HEATR9: variants seen among roughly 807,000 people sequenced by gnomAD.
HEATR9 encodes the protein HEAT repeat containing 9.
A neutral mutation model predicts 68.2 loss-of-function variants in HEATR9; 54 were observed. The ratio of observed to expected loss-of-function variants is 0.79; its 90% CI spans 0.64 to 0.99. The LOEUF (loss-of-function observed/expected upper bound fraction) is 0.99, where lower values mean the gene tolerates loss of function less well. Ranked by LOEUF, HEATR9 falls within the 50% of genes least tolerant of loss-of-function variation. The probability of loss-of-function intolerance (pLI) is 0.00; values close to 1 mark genes in which losing one functional copy is unlikely to be tolerated. For missense variants in HEATR9, 662 were observed against 679.7 expected (o/e 0.97, Z 0.29); for synonymous variants, 241 against 253.5 (o/e 0.95, Z 0.47).
intron 12 of HEATR9, 113 bp downstream of exon 12, chr17:35,856,619 T>C (rs2087780242): frequency 6.4e-6 from 6 of 937,286 alleles, no homozygotes; most frequent in Non-Finnish European, 3.3e-6. Context: ...TGCTGCACTG[T>C]AGGTTCTCAG....
chr17:35,863,666 G>C (rs1175290811), intron 6 of HEATR9, 107 bp from the exon 7 acceptor site: 1 of 1,229,968 alleles, frequency 8.1e-7, no homozygotes, highest in East Asian at 2.4e-5. Flanking sequence ...GGAAACTGAA[G>C]CCTAGAAAGT....
Position 35,855,225 on chromosome 17 carries a change from G to A in HEATR9, c.1551C>T (p.Asn517=). The stretch of plus-strand genomic sequence containing the variant: ...TGATGGACTTTGCAATAAACAAGGG[G>A]TTCAGCTTTGCAAGTCGAAAGTCTT... ...TIQDFRLAKL[N]PLFIAKSITK... is the part of the protein sequence containing the mutation. The change falls in exon 15 of 15, where the codon AAC becomes AAT. Residue 517 remains asparagine, a synonymous_variant. Coordinates refer to ENST00000604834, the MANE Select transcript of HEATR9 (RefSeq NM_152781.4). 1.2e-6 allele frequency: 2 copies of A among 1,614,180 alleles called. No individual in the cohort carries two copies. Among genetic ancestry groups the A allele is most frequent in the East Asian group, 2.2e-5 (1 of 44,880 alleles).
chr17:35,857,495 C>CA (rs1204654301), intron 11 of HEATR9, among the ~76,000 whole-genome samples: 7 of 152,168 alleles, frequency 4.6e-5, no homozygotes, highest in Non-Finnish European at 4.4e-5. Context: ...CGCAGTGGCT[C>CA]ACGCCTGTAA....
At chr17:35,864,476 T>A (rs756810744) in intron 5 of HEATR9, 21 bp downstream of exon 5, 1 of 1,612,300 alleles carries the variant, frequency 6.2e-7, no homozygotes, top group Non-Finnish European at 8.5e-7. Context: ...ACCACCCTCC[T>A]CTATCCTTGC....
chr17:35,855,445 T>G (rs1430693208), intron 14 of HEATR9, 35 bp from the exon 15 acceptor site: 2 of 1,585,844 alleles, frequency 1.3e-6, no homozygotes, highest in Admixed American at 3.4e-5. Flanking sequence ...GCTGGCTCAC[T>G]TTGGGTTCAG....
intron 9 of HEATR9, 38 bp from the exon 10 acceptor site, chr17:35,858,563 T>C (rs1568309177): frequency 6.4e-7 from 1 of 1,563,658 alleles, no homozygotes; most frequent in Non-Finnish European, 8.8e-7. Context: ...GTACAGGGCC[T>C]AGAGGCATCT....
At position 35,864,975 on chromosome 17, in the gene HEATR9, A is replaced by T. The variant is rs2088141402; in HGVS notation, c.321-85T>A. The T allele has an allele frequency of 1.1e-5, 17 of 1,543,530 alleles. No individual in the cohort carries two copies. In the East Asian group the frequency reaches 3.8e-4, roughly 35 times the overall value. ...AACCTCACTTCTGCCACAGGGCTAC[A>T]GCCCAGCTCAGATATGGGACCAGAG... On this transcript the variant is annotated intron_variant, in intron 3 of 14. Transcript: ENST00000604834.
chr17:35,856,285 G>C (rs940351558), intron 12 of HEATR9, 61 bp from the exon 13 acceptor site: 7 of 1,613,900 alleles, frequency 4.3e-6, no homozygotes, highest in Non-Finnish European at 5.9e-6. Flanking sequence ...GTGGAAGGGA[G>C]GCTGGTTGCT....
chr17:35,866,962 C>T (rs761708510), intron 1 of HEATR9, among the ~76,000 whole-genome samples, 189 bp from the exon 2 acceptor site: 1 of 151,668 alleles, frequency 6.6e-6, no homozygotes, highest in Non-Finnish European at 1.5e-5. Flanking sequence ...ACAAAAAAAA[C>T]ATTAGCCAGC....
intron 8 of HEATR9, chr17:35,861,017 G>A: frequency 1.5e-6 from 1 of 658,484 alleles, no homozygotes; most frequent in Admixed American, 2.1e-5. Context: ...CTGCACTCCA[G>A]CTTGGGTGAC....
rs535561369 is a variant in HEATR9 at position 35,858,648 on chromosome 17, G to A, written c.940-123C>T. On this transcript the variant is annotated intron_variant, in intron 9 of 14. Transcript: ENST00000604834. ...CTAAGGTCCTTTTTTCTGCCTCTTCGCCTCTTGACCACAGAAGTTCATGTG... is the reference window on the plus strand; with the variant it reads ...CTAAGGTCCTTTTTTCTGCCTCTTCACCTCTTGACCACAGAAGTTCATGTG... The A allele has an allele frequency of 3.4e-4, 317 of 919,568 alleles. 3 individuals carry two copies. In the South Asian group the frequency reaches 5.1e-3, roughly 15 times the overall value. The allele number at this position is 919,568 out of a possible 1,614,324, so 57.0% of individuals were successfully genotyped here. A position where few individuals can be genotyped will look rare whatever the true frequency, so the allele number is the denominator to read the frequency against.
rs1212026467 is a variant in HEATR9 at position 35,863,542 on chromosome 17, C to T, written c.585G>A (p.Glu195=). Residue 195 remains glutamate, a synonymous_variant, in exon 7 of 15, where the codon GAG becomes GAA. Coordinates refer to ENST00000604834, the MANE Select transcript of HEATR9 (RefSeq NM_152781.4). ...ALQQVAQTGP[E]KVKYEAYRTL... is the part of the protein sequence containing the mutation. ...TTCGGTAGGCCTCGTACTTCACTTTCTCTGGACCAGTTTGGGCCTAATTTA... is the reference window on the plus strand; with the variant it reads ...TTCGGTAGGCCTCGTACTTCACTTTTTCTGGACCAGTTTGGGCCTAATTTA... The T allele has an allele frequency of 6.2e-7, 1 of 1,614,212 alleles. No homozygotes were observed. The highest frequency in any genetic ancestry group is 1.7e-5 in the Admixed American group (1 of 60,018).
chr17:35,864,905 G>A lies in HEATR9; in HGVS notation c.321-15C>T. The A allele has an allele frequency of 1.2e-6, 2 of 1,614,206 alleles. No individual in the cohort carries two copies. Among genetic ancestry groups the A allele is most frequent in the Non-Finnish European group, 8.5e-7 (1 of 1,180,038 alleles). ...CTTTGATGTACCTGTGTGAGAAATT[G>A]CATAGGCAGCTTTGGTCCCTTTGTA... On this transcript the variant is annotated splice_polypyrimidine_tract_variant and intron_variant, in intron 3 of 14. Coordinates refer to ENST00000604834, the MANE Select transcript of HEATR9 (RefSeq NM_152781.4).
intron 1 of HEATR9, 64 bp downstream of exon 1, chr17:35,868,591 G>A: frequency 6.2e-7 from 1 of 1,609,168 alleles, no homozygotes; most frequent in South Asian, 1.1e-5. Context: ...GGGAGTGAGA[G>A]CCAGGTAGCA....
rs1298807887 is a variant in HEATR9, at chr17:35,863,009, C to G, written c.742G>C (p.Val248Leu). 21 of 1,614,114 alleles carry G rather than the reference C, an allele frequency of 1.3e-5. No homozygotes were observed. Among genetic ancestry groups the G allele is most frequent in the Non-Finnish European group, 1.8e-5 (21 of 1,180,064 alleles). Reference sequence around the variant, plus strand: ...CTCCCAATCACCTTGTCTTTAGAGACAGCAGCCCAGGAGTTAAGAGCCATT... The same window carrying G: ...CTCCCAATCACCTTGTCTTTAGAGAGAGCAGCCCAGGAGTTAAGAGCCATT... ...LRMALNSWAA[V>L]SKDKRTQVGD... The change falls in exon 8 of 15, where the codon GTC becomes CTC. Residue 248 changes from valine (V) to leucine (L), a missense_variant. Val to Leu is a conservative substitution (Grantham distance 32). Coordinates refer to ENST00000604834, the MANE Select transcript of HEATR9 (RefSeq NM_152781.4).
Position 35,855,205 on chromosome 17 carries a change from G to A in HEATR9, c.1571C>T (p.Ser524Phe). 1.9e-6 allele frequency: 3 copies of A among 1,614,142 alleles called. No individual in the cohort carries two copies. Among genetic ancestry groups the A allele is most frequent in the Non-Finnish European group, 2.5e-6 (3 of 1,180,028 alleles). ...TTTCTTTTGGCCTACTTTGGTGATGGACTTTGCAATAAACAAGGGGTTCAG... is the reference window on the plus strand; with the variant it reads ...TTTCTTTTGGCCTACTTTGGTGATGAACTTTGCAATAAACAAGGGGTTCAG... ...AKLNPLFIAK[S>F]ITKVGQKKTP... Residue 524 changes from serine to phenylalanine, a missense_variant, in exon 15 of 15, where the codon TCC (serine) becomes TTC (phenylalanine). Coordinates refer to ENST00000604834, the MANE Select transcript of HEATR9 (RefSeq NM_152781.4).
At chr17:35,867,506 C>A (rs1340780437) in intron 1 of HEATR9, among the ~76,000 whole-genome samples, 1 of 144,532 alleles carries the variant, frequency 6.9e-6, no homozygotes, top group Non-Finnish European at 1.5e-5. Flanking sequence ...TTCAGGCATT[C>A]ATTTATTCAG....
rs574047419 is a variant in HEATR9, at chr17:35,854,977, C to A, written c.*86G>T. 134 of 1,099,242 alleles carry A rather than the reference C, an allele frequency of 1.2e-4. 4 individuals carry two copies. The South Asian group carries it at 2.0e-3, about 16-fold the overall frequency. The allele number at this position is 1,099,242 out of a possible 1,614,324, so 68.1% of individuals were successfully genotyped here. On this transcript the variant is annotated 3_prime_UTR_variant, in exon 15 of 15. Transcript: ENST00000604834. ...AGGTAGAGTGACACTTGTTTATTCA[C>A]GGAAGATAAGTATAGATTGTTTTCT... is the stretch of plus-strand genomic sequence containing the variant.
At chr17:35,864,630 T>C in intron 4 of HEATR9, 77 bp from the exon 5 acceptor site, 1 of 1,587,934 alleles carries the variant, frequency 6.3e-7, no homozygotes, top group East Asian at 2.2e-5. Context: ...GCTCATCCAA[T>C]CCAATCCCTT....
Sources: allele counts gnomAD v4.1 joint callset (sites outside exome capture counted in the v4.1 genomes callset), GRCh38; gene constraint gnomAD v4.1.1; transcripts MANE v1.5; gene names NCBI Gene and HGNC (gene_info 2026-07-23, HGNC 2026-07-21).